The following LRRTM4 variants were observed in gnomAD, a reference collection of about 807,000 sequenced individuals.
LRRTM4 encodes leucine-rich repeat transmembrane neuronal protein 4.
In LRRTM4, 25 loss-of-function variants were observed where a neutral mutation model predicts 47.6. The observed-to-expected ratio is 0.53, with a 90% CI of 0.38 to 0.73. LRRTM4 has a LOEUF of 0.73. Among genes scored for constraint, LRRTM4 ranks in the 30% least tolerant of loss-of-function variants. The pLI is 0.00. For synonymous variants in LRRTM4, 311 were observed against 269.5 expected (o/e 1.15, Z -1.51); for missense variants, 638 against 713.4 (o/e 0.89, Z 1.20).
At chr2:77,199,536 A>G (rs1673918683) in intron 3 of LRRTM4, among the ~76,000 whole-genome samples, 1 of 151,936 alleles carries the variant, frequency 6.6e-6, no homozygotes, top group African/African-American at 2.4e-5. Flanking sequence ...ATACAAGAGG[A>G]AAAAAAATGT....
At chr2:77,163,019 C>G (rs527794401) in intron 3 of LRRTM4, among the ~76,000 whole-genome samples, 2 of 152,094 alleles carry the variant, frequency 1.3e-5, no homozygotes, top group Non-Finnish European at 2.9e-5. Flanking sequence ...TAGGTAATAA[C>G]AAACTTCTGT....
intron 3 of LRRTM4, among the ~76,000 whole-genome samples, chr2:77,103,215 A>G (rs1344273259): frequency 6.6e-6 from 1 of 152,208 alleles, no homozygotes; most frequent in Non-Finnish European, 1.5e-5. Flanking sequence ...AGAAGCTGCT[A>G]ACAAGGGAGG....
chr2:77,401,942 A>C (rs1270278131), intron 3 of LRRTM4, among the ~76,000 whole-genome samples: 1 of 152,024 alleles, frequency 6.6e-6, no homozygotes, highest in Non-Finnish European at 1.5e-5. Context: ...GTTTGAAAGA[A>C]CGACTATTTT....
At chr2:77,295,737 G>A (rs1022020421) in intron 3 of LRRTM4, among the ~76,000 whole-genome samples, 16 of 152,074 alleles carry the variant, frequency 1.1e-4, no homozygotes, top group Non-Finnish European at 4.4e-5. Flanking sequence ...TGACTTTCAC[G>A]TTGTCTTTCT....
chr2:77,199,972 A>G (rs1673929737), intron 3 of LRRTM4, among the ~76,000 whole-genome samples: 1 of 152,110 alleles, frequency 6.6e-6, no homozygotes, highest in Non-Finnish European at 1.5e-5. Context: ...AAAAGTTGCT[A>G]AGAATTACCT....
chr2:77,213,744 T>C (rs1674360049), intron 3 of LRRTM4, among the ~76,000 whole-genome samples: 1 of 152,160 alleles, frequency 6.6e-6, no homozygotes, highest in Non-Finnish European at 1.5e-5. Context: ...TAATCTCTTC[T>C]CTAATATGCC....
chr2:77,370,168 G>A (rs932689234), intron 3 of LRRTM4, among the ~76,000 whole-genome samples: 6 of 151,738 alleles, frequency 4.0e-5, no homozygotes, highest in African/African-American at 9.6e-5. Flanking sequence ...TGAGAAGACT[G>A]GAGTTGAGAA....
chr2:77,366,521 C>A (rs752270013), intron 3 of LRRTM4, among the ~76,000 whole-genome samples: 5 of 151,828 alleles, frequency 3.3e-5, no homozygotes, highest in Non-Finnish European at 5.9e-5. Flanking sequence ...AGATTTATGT[C>A]TCCAGCCCAG....
chr2:77,380,300 G>A (rs1456154239), intron 3 of LRRTM4, among the ~76,000 whole-genome samples: 2 of 152,072 alleles, frequency 1.3e-5, no homozygotes, highest in Non-Finnish European at 2.9e-5. Context: ...CACAGTTCAT[G>A]AGCTAACAGT....
intron 3 of LRRTM4, among the ~76,000 whole-genome samples, chr2:76,844,189 C>T (rs1573200453): frequency 6.6e-6 from 1 of 152,020 alleles, no homozygotes; most frequent in East Asian, 1.9e-4. Flanking sequence ...GGCTGGAGTG[C>T]CGTGGCATGA....
intron 3 of LRRTM4, among the ~76,000 whole-genome samples, chr2:76,943,150 C>A (rs191162027): frequency 5.3e-5 from 8 of 152,294 alleles, no homozygotes; most frequent in Admixed American, 5.2e-4. Flanking sequence ...ATACCAATCC[C>A]TGGAGCCTGA....
At chr2:77,213,503 T>C (rs997085370) in intron 3 of LRRTM4, among the ~76,000 whole-genome samples, 1 of 152,128 alleles carries the variant, frequency 6.6e-6, no homozygotes, top group South Asian at 2.1e-4. Context: ...CACACATATA[T>C]TACATAGAGA....
chr2:76,786,016 C>A (rs1674652487), intron 3 of LRRTM4, among the ~76,000 whole-genome samples: 1 of 152,108 alleles, frequency 6.6e-6, no homozygotes, highest in South Asian at 2.1e-4. Context: ...CTAGCTGCTC[C>A]TATCTTTTTA....
chr2:77,029,045 AC>A (rs1234270813), intron 3 of LRRTM4, among the ~76,000 whole-genome samples: 73 of 133,250 alleles, frequency 5.5e-4, no homozygotes, highest in African/African-American at 1.6e-3. Flanking sequence ...ACACACACAC[AC>A]ACACAAATAT....
Position 77,284,494 on chromosome 2 carries a change from A to C in LRRTM4, c.1551+233824T>G, listed in dbSNP as rs141416941. Reference sequence around the variant, plus strand: ...TTTAAAATTCCATTGGACAGGTGACACATATACACTTATTTAATATCTGTG... The same window carrying C: ...TTTAAAATTCCATTGGACAGGTGACCCATATACACTTATTTAATATCTGTG... On this transcript the variant is annotated intron_variant, in intron 3 of 3. Transcript: ENST00000409884. 2.7e-3 allele frequency among the ~76,000 whole-genome samples: 404 copies of C among 152,116 alleles called. 2 individuals are homozygous for C. Among genetic ancestry groups the C allele is most frequent in the African/African-American group, 9.2e-3 (383 of 41,494 alleles).
chr2:77,220,455 T>C (rs1393780625), intron 3 of LRRTM4, among the ~76,000 whole-genome samples: 2 of 152,044 alleles, frequency 1.3e-5, no homozygotes, highest in East Asian at 3.9e-4. Context: ...TTAAAAACGT[T>C]GAAAAAAATT....
At chr2:77,263,536 T>C (rs1313748127) in intron 3 of LRRTM4, among the ~76,000 whole-genome samples, 2 of 152,034 alleles carry the variant, frequency 1.3e-5, no homozygotes, top group Non-Finnish European at 2.9e-5. Context: ...GTTTCAAAAT[T>C]GAATTGAATG....
intron 3 of LRRTM4, among the ~76,000 whole-genome samples, chr2:76,865,330 A>T (rs1309788321): frequency 6.6e-6 from 1 of 152,120 alleles, no homozygotes; most frequent in Non-Finnish European, 1.5e-5. Flanking sequence ...TCATGTTTGG[A>T]TGCTCTCAGG....
intron 3 of LRRTM4, among the ~76,000 whole-genome samples, chr2:76,970,410 C>CT (rs1676177910): frequency 6.6e-6 from 1 of 151,926 alleles, no homozygotes; most frequent in East Asian, 1.9e-4. Context: ...AGGATACCTC[C>CT]TTTTGGTTTC....
Sources: gnomAD v4.1 joint callset for allele counts (sites outside exome capture counted in the v4.1 genomes callset) on GRCh38, gnomAD v4.1.1 for gene constraint, MANE v1.5 for transcripts, NCBI Gene and HGNC (gene_info 2026-07-23, HGNC 2026-07-21) for gene names.